The following AKAP13 variants were observed in gnomAD, a reference collection of about 807,000 sequenced individuals.
AKAP13 encodes A-kinase anchoring protein 13.
In AKAP13, 80 loss-of-function variants were observed where a neutral mutation model predicts 264.5. The observed-to-expected ratio is 0.30, with a 90% CI of 0.25 to 0.36. AKAP13 has a LOEUF of 0.36. AKAP13 is among the 10% of genes least tolerant of loss of function. The pLI is 1.00. For missense variants in AKAP13, 3,712 were observed against 3,435.2 expected, an observed-to-expected ratio of 1.08 and a Z score of -2.01; for synonymous variants, 1,380 against 1,250.2, an observed-to-expected ratio of 1.10 and a Z score of -2.19.
At chr15:85,676,853 A>G in intron 14 of AKAP13, 1 of 763,768 alleles carries the variant, frequency 1.3e-6, no homozygotes, top group Non-Finnish European at 1.6e-6. Flanking sequence ...TTATTACATC[A>G]TTCACCTAGA....
intron 8 of AKAP13, among the ~76,000 whole-genome samples, chr15:85,595,348 C>T (rs71397884): frequency 1.3e-5 from 2 of 152,184 alleles, no homozygotes; most frequent in Admixed American, 6.5e-5. Flanking sequence ...ACCCTCCCAC[C>T]TCAGCCTCCC....
intron 1 of AKAP13, among the ~76,000 whole-genome samples, chr15:85,444,744 A>G (rs1368628690): frequency 6.6e-6 from 1 of 152,202 alleles, no homozygotes; most frequent in East Asian, 1.9e-4. Context: ...AGTCAACACC[A>G]GGACTCTAGC....
At chr15:85,417,121 A>G (rs978442411) in intron 1 of AKAP13, among the ~76,000 whole-genome samples, 12 of 152,218 alleles carry the variant, frequency 7.9e-5, no homozygotes, top group African/African-American at 2.9e-4. Flanking sequence ...TAGGAACAAA[A>G]GGTAACTTTT....
intron 30 of AKAP13, among the ~76,000 whole-genome samples, chr15:85,731,268 A>T (rs1223384102): frequency 6.6e-6 from 1 of 152,130 alleles, no homozygotes; most frequent in Non-Finnish European, 1.5e-5. Flanking sequence ...GGCCTCTCAA[A>T]GGGCTGATAT....
At chr15:85,442,428 A>ATG (rs2073701846) in intron 1 of AKAP13, among the ~76,000 whole-genome samples, 1 of 127,586 alleles carries the variant, frequency 7.8e-6, no homozygotes, top group Non-Finnish European at 1.6e-5. Flanking sequence ...AAAAAAATAT[A>ATG]TATATATATA....
Position 85,639,573 on chromosome 15 carries a change from C to G in AKAP13, c.4237+124C>G, listed in dbSNP as rs986915621. 14 of 738,220 alleles carry G rather than the reference C, an allele frequency of 1.9e-5. No individual in the cohort carries two copies. The Admixed American group carries it at 3.1e-4, about 16-fold the overall frequency. The allele number at this position is 738,220 out of a possible 1,614,324, so 45.7% of individuals were successfully genotyped here. ...AATCAGAGGAAGGGATGTATGTGATCTGGGTTTGTAGGCATTTTGTCTTAC... is the reference window on the plus strand; with the variant it reads ...AATCAGAGGAAGGGATGTATGTGATGTGGGTTTGTAGGCATTTTGTCTTAC... On this transcript the variant is annotated intron_variant, in intron 9 of 36. Transcript: ENST00000394518.
intron 1 of AKAP13, among the ~76,000 whole-genome samples, chr15:85,396,348 A>G (rs1357867071): frequency 6.6e-6 from 1 of 152,208 alleles, no homozygotes; most frequent in East Asian, 1.9e-4. Flanking sequence ...TGGATGGTTG[A>G]CCTAAGAATG....
chr15:85,660,933 C>T (rs780826157), intron 12 of AKAP13, among the ~76,000 whole-genome samples: 3 of 152,186 alleles, frequency 2.0e-5, no homozygotes, highest in Non-Finnish European at 4.4e-5. Context: ...CAGCCAAAAA[C>T]CCCACTTGAC....
chr15:85,455,980 T>C (rs2074267929), intron 1 of AKAP13, among the ~76,000 whole-genome samples: 2 of 152,234 alleles, frequency 1.3e-5, no homozygotes, highest in African/African-American at 2.4e-5. Context: ...TTCATTCTCA[T>C]TGATTGAAAA....
intron 19 of AKAP13, among the ~76,000 whole-genome samples, chr15:85,711,306 C>G (rs1200508239): frequency 6.6e-6 from 1 of 152,110 alleles, no homozygotes; most frequent in African/African-American, 2.4e-5. Flanking sequence ...CCATTTTCAC[C>G]AGTGCATAGA....
In AKAP13 at chr15:85,579,385, G is replaced by A; in HGVS notation, c.1317G>A (p.Leu439=). The change falls in exon 7 of 37, where the codon CTG becomes CTA. Residue 439 remains leucine, a synonymous_variant. Coordinates refer to ENST00000394518, the MANE Select transcript of AKAP13 (RefSeq NM_007200.5). Reference sequence around the variant, plus strand: ...GAATGCCCACAGACCAGGAGTCCCTGAGCAGTGGAGATGCTGTGCTTCAGA... The same window carrying A: ...GAATGCCCACAGACCAGGAGTCCCTAAGCAGTGGAGATGCTGTGCTTCAGA... ...SSGMPTDQES[L]SSGDAVLQRD... is the part of the protein sequence containing the mutation. 1 of 1,614,212 alleles carries A rather than the reference G, an allele frequency of 6.2e-7. No individual in the cohort carries two copies. The highest frequency in any genetic ancestry group is 8.5e-7 in the Non-Finnish European group (1 of 1,180,040).
rs991299250 is a variant in AKAP13, at chr15:85,580,531, T to A, written c.2463T>A (p.Ala821=). The A allele has an allele frequency of 7.4e-6, 12 of 1,614,054 alleles. No individual in the cohort carries two copies. Among genetic ancestry groups the A allele is most frequent in the Admixed American group, 5.0e-5 (3 of 59,988 alleles). ...CAGCAACTCCTGAACTACATACAGC[T>A]ACAGATTATAGAGATGGCCCAGATG... The part of the protein sequence containing the change: ...KGTATPELHT[A]TDYRDGPDGN... The change falls in exon 7 of 37, where the codon GCT becomes GCA. Residue 821 remains alanine (A), a synonymous_variant. Transcript: ENST00000394518.
At chr15:85,421,147 A>G (rs1410202956) in intron 1 of AKAP13, among the ~76,000 whole-genome samples, 1 of 152,252 alleles carries the variant, frequency 6.6e-6, no homozygotes, top group Admixed American at 6.5e-5. Flanking sequence ...ACAAGCAACT[A>G]TTTTGTGAAA....
rs979118069 is a variant in AKAP13 at position 85,718,976 on chromosome 15, A to G, written c.6002-100A>G. On this transcript the variant is annotated intron_variant, in intron 22 of 36. Transcript: ENST00000394518. This position sits in a 1 kb window ranked among gnomAD's most constrained non-coding sequence, Gnocchi z 4.9. ...CTGTTGACCCAATTTTAAGGTTCAAATTGGGCTCTAAACTAGCTTTGGGAC... is the reference window on the plus strand; with the variant it reads ...CTGTTGACCCAATTTTAAGGTTCAAGTTGGGCTCTAAACTAGCTTTGGGAC... 8.5e-5 allele frequency: 129 copies of G among 1,510,494 alleles called. No individual in the cohort carries two copies. The highest frequency in any genetic ancestry group is 1.1e-4 in the Non-Finnish European group (124 of 1,123,852). The allele number at this position is 1,510,494 out of a possible 1,614,324, so 93.6% of individuals were successfully genotyped here.
intron 4 of AKAP13, chr15:85,534,522 C>T (rs1407610102): frequency 6.6e-6 from 1 of 152,092 alleles, no homozygotes; most frequent in Middle Eastern, 3.2e-3. Flanking sequence ...GCAGCCTCCA[C>T]CTCCTGGGTT....
intron 17 of AKAP13, among the ~76,000 whole-genome samples, chr15:85,703,135 G>A (rs1232040181): frequency 3.9e-5 from 6 of 152,208 alleles, no homozygotes; most frequent in Non-Finnish European, 8.8e-5. Flanking sequence ...AATTTAGAAT[G>A]TGTGTGATGG....
chr15:85,520,427 G>A (rs2076775490), intron 2 of AKAP13, among the ~76,000 whole-genome samples: 1 of 145,830 alleles, frequency 6.9e-6, no homozygotes, highest in African/African-American at 2.6e-5. Context: ...GAACCTAGGA[G>A]TTGGAGGTTG....
chr15:85,740,764 CA>C (rs2088903641), intron 34 of AKAP13, among the ~76,000 whole-genome samples: 2 of 116,506 alleles, frequency 1.7e-5, no homozygotes, highest in African/African-American at 6.8e-5. Flanking sequence ...CAGACACACA[CA>C]CACACAACCA....
chr15:85,464,780 G>A (rs567114930), intron 1 of AKAP13, among the ~76,000 whole-genome samples: 1 of 152,152 alleles, frequency 6.6e-6, no homozygotes, highest in South Asian at 2.1e-4. Flanking sequence ...TAACAATAAG[G>A]TTATGTCGGT....
Sources: allele counts gnomAD v4.1 joint callset (sites outside exome capture counted in the v4.1 genomes callset), GRCh38; gene constraint gnomAD v4.1.1; non-coding constraint Gnocchi (gnomAD v3.1); transcripts MANE v1.5; gene names NCBI Gene and HGNC (gene_info 2026-07-23, HGNC 2026-07-21).